Variants in VNN2 observed in about 807,000 individuals in gnomAD.
VNN2 encodes pantetheine hydrolase VNN2.
A neutral mutation model predicts 43.0 loss-of-function variants in VNN2; 43 were observed. The observed-to-expected ratio is 1.00, with a 90% confidence interval of 0.78 to 1.29. VNN2 has a LOEUF of 1.29. Among genes scored for constraint, VNN2 ranks in the 50% most tolerant of loss-of-function variants. The pLI is 0.00. For missense variants in VNN2, 652 were observed against 619.7 expected (o/e 1.05, Z -0.55); for synonymous variants, 230 against 224.3 (o/e 1.03, Z -0.23).
At position 132,755,908 on chromosome 6, in the gene VNN2, A is replaced by C; in HGVS notation, c.472T>G (p.Tyr158Asp). The C allele has an allele frequency of 6.2e-7, 1 of 1,614,220 alleles. No individual in the cohort carries two copies. Among genetic ancestry groups the C allele is most frequent in the Non-Finnish European group, 8.5e-7 (1 of 1,180,034 alleles). Residue 158 changes from tyrosine (Y) to aspartate (D), a missense_variant, in exon 3 of 7, where the codon TAC (tyrosine) becomes GAC (aspartate). Transcript: ENST00000326499. ...ACCACATTGGTATTGTATTGAAAGTAGCCATTAGGAGGACATGTGGAGTCA... is the reference window on the plus strand; with the variant it reads ...ACCACATTGGTATTGTATTGAAAGTCGCCATTAGGAGGACATGTGGAGTCA... ...SRDSTCPPNG[Y>D]FQYNTNVVYN...
Position 132,757,699 on chromosome 6 carries a change from T to C in VNN2, c.185A>G (p.Glu62Gly), listed in dbSNP as rs1394983827. The change falls in exon 1 of 7, where the codon GAG becomes GGG. Residue 62 changes from glutamate to glycine, a missense_variant. Transcript: ENST00000326499. ...NLMNENIDIL[E>G]TAIKQAAEQG... is the part of the protein sequence containing the mutation. ...CTCAGCTGCCTGCTTGATCGCTGTC[T>C]CCAGAATGTCTATATTCTCGTTCAT... The C allele has an allele frequency of 6.2e-7, 1 of 1,614,174 alleles. No individual in the cohort carries two copies. The highest frequency in any genetic ancestry group is 8.5e-7 in the Non-Finnish European group (1 of 1,180,022).
At chr6:132,758,021 CTTCTTCTTCTTCTTCTTCTT>C, upstream of VNN2, 1 of 70,572 alleles carries the variant, frequency 1.4e-5, no homozygotes, top group Non-Finnish European at 2.2e-5. Context: ...TCTTCTTCTT[CTTCTTCTTCTTCTTCTTCTT>C]TTTTTTTTTT....
intron 6 of VNN2, among the ~76,000 whole-genome samples, chr6:132,746,301 G>T (rs1284450799): frequency 6.6e-6 from 1 of 152,210 alleles, no homozygotes; most frequent in African/African-American, 2.4e-5. Context: ...CAACAAGTGT[G>T]TTGAAATCTC....
chr6:132,761,435 G>A (rs923896904), upstream of VNN2, among the ~76,000 whole-genome samples: 2 of 151,564 alleles, frequency 1.3e-5, no homozygotes, highest in Non-Finnish European at 2.9e-5. Flanking sequence ...CGAGGCGGGC[G>A]AATTATTTGA....
intron 3 of VNN2, chr6:132,753,949 C>A (rs1387739796): frequency 1.1e-5 from 1 of 87,262 alleles, no homozygotes; most frequent in Non-Finnish European, 2.0e-5. Context: ...CCAGACTCTG[C>A]CTAAAAAAAA....
At position 132,757,622 on chromosome 6, in the gene VNN2, G is replaced by A. The variant is rs199870283; in HGVS notation, c.213+49C>T. On this transcript the variant is annotated intron_variant, in intron 1 of 6. Transcript: ENST00000326499. The stretch of plus-strand genomic sequence containing the variant: ...AATTCAGCTCTCTCGTCTTCCACCA[G>A]CTCCCATGCCCCTCGTGTACATTAT... The A allele has an allele frequency of 6.3e-5, 102 of 1,607,696 alleles. No individual in the cohort carries two copies. The East Asian group carries it at 1.9e-3, about 31-fold the overall frequency.
chr6:132,744,522 C>G, intron 6 of VNN2, 31 bp from the exon 7 acceptor site: 1 of 1,546,462 alleles, frequency 6.5e-7, no homozygotes. Flanking sequence ...GTACAGTCAG[C>G]TTTCTTAACA....
rs923546230 is a variant in VNN2, at chr6:132,744,222, T to C, written c.*78A>G. ...ATACTACTGAAATAGCCCTTCAAAG[T>C]TTCTTAGTAAACTTGGGAAGCCGAT... On this transcript the variant is annotated 3_prime_UTR_variant, in exon 7 of 7. Transcript: ENST00000326499. The C allele has an allele frequency of 1.4e-6, 2 of 1,392,088 alleles. No homozygotes were observed. The highest frequency in any genetic ancestry group is 4.7e-5 in the Admixed American group (2 of 42,396). 86.2% of individuals were successfully genotyped at this position (1,392,088 alleles called of 1,614,324 possible).
Position 132,757,706 on chromosome 6 carries a change from T to A in VNN2, c.178A>T (p.Ile60Phe). Residue 60 changes from isoleucine (I) to phenylalanine (F), a missense_variant, in exon 1 of 7, where the codon ATT becomes TTT. Ile to Phe is a conservative substitution (Grantham distance 21). Coordinates refer to ENST00000326499, the MANE Select transcript of VNN2 (RefSeq NM_004665.6). ...ALNLMNENID[I>F]LETAIKQAAE... ...GCCTGCTTGATCGCTGTCTCCAGAATGTCTATATTCTCGTTCATGAGATTC... is the reference window on the plus strand; with the variant it reads ...GCCTGCTTGATCGCTGTCTCCAGAAAGTCTATATTCTCGTTCATGAGATTC... The A allele has an allele frequency of 6.2e-7, 1 of 1,614,150 alleles. No homozygotes were observed. The highest frequency in any genetic ancestry group is 8.5e-7 in the Non-Finnish European group (1 of 1,180,022).
At chr6:132,755,782 T>C in intron 3 of VNN2, 61 bp downstream of exon 3, 3 of 1,490,526 alleles carry the variant, frequency 2.0e-6, no homozygotes, top group South Asian at 2.6e-5. Flanking sequence ...TTCAAACTCC[T>C]AAACCCAGCA....
At position 132,744,223 on chromosome 6, in the gene VNN2, T is replaced by C. The variant is rs1378204314; in HGVS notation, c.*77A>G. 1.4e-6 allele frequency: 2 copies of C among 1,399,486 alleles called. No individual in the cohort carries two copies. The highest frequency in any genetic ancestry group is 2.4e-5 in the Admixed American group (1 of 42,542). 86.7% of individuals were successfully genotyped at this position (1,399,486 alleles called of 1,614,324 possible). Reference sequence around the variant, plus strand: ...TACTACTGAAATAGCCCTTCAAAGTTTCTTAGTAAACTTGGGAAGCCGATA... The same window carrying C: ...TACTACTGAAATAGCCCTTCAAAGTCTCTTAGTAAACTTGGGAAGCCGATA... On this transcript the variant is annotated 3_prime_UTR_variant, in exon 7 of 7. Transcript: ENST00000326499.
intron 5 of VNN2, among the ~76,000 whole-genome samples, chr6:132,750,484 A>G (rs1779988253): frequency 2.5e-5 from 2 of 81,398 alleles, no homozygotes; most frequent in East Asian, 2.7e-4. Flanking sequence ...TACTAAAAAT[A>G]TTTTGTATAT....
intron 6 of VNN2, among the ~76,000 whole-genome samples, chr6:132,746,248 C>T (rs1779708295): frequency 2.6e-5 from 4 of 152,176 alleles, no homozygotes; most frequent in Admixed American, 2.0e-4. Flanking sequence ...TAACACCACC[C>T]TTTTAACATA....
chr6:132,749,561 G>T, intron 6 of VNN2, 134 bp downstream of exon 6: 2 of 938,828 alleles, frequency 2.1e-6, no homozygotes, highest in Non-Finnish European at 3.1e-6. Flanking sequence ...CCAACCCACA[G>T]AACCAGGGCT....
intron 2 of VNN2, among the ~76,000 whole-genome samples, chr6:132,756,578 T>C (rs1329391859): frequency 6.6e-6 from 1 of 152,144 alleles, no homozygotes; most frequent in Non-Finnish European, 1.5e-5. Context: ...GTTGGCACAG[T>C]TAATTACACC....
At chr6:132,758,609 A>G (rs538627382), upstream of VNN2, among the ~76,000 whole-genome samples, 2 of 152,164 alleles carry the variant, frequency 1.3e-5, no homozygotes, top group East Asian at 3.9e-4. Flanking sequence ...ATTGACAACA[A>G]TTTTTTTGGT....
chr6:132,751,444 G>A lies in VNN2; in HGVS notation c.901C>T (p.Leu301Phe). 6.2e-7 allele frequency: 1 copy of A among 1,614,152 alleles called. No homozygotes were observed. The highest frequency in any genetic ancestry group is 1.1e-5 in the South Asian group (1 of 91,086). The stretch of plus-strand genomic sequence containing the variant: ...AGGGGATGTGAATCCACCTCTGAAA[G>A]GAGAAGTTTTCCCAACTCTGTCTTC... Reference protein sequence around the residue: ...DMKTELGKLLLSEVDSHPLSS... With the variant: ...DMKTELGKLLFSEVDSHPLSS... The change falls in exon 5 of 7, where the codon CTT (leucine) becomes TTT (phenylalanine). Residue 301 changes from leucine to phenylalanine, a missense_variant. Physicochemically the swap from Leu to Phe is conservative, Grantham distance 22. Coordinates refer to ENST00000326499, the MANE Select transcript of VNN2 (RefSeq NM_004665.6).
chr6:132,755,480 G>C (rs144719835), intron 3 of VNN2, among the ~76,000 whole-genome samples: 3,895 of 149,414 alleles, frequency 0.026, 64 homozygotes, highest in Non-Finnish European at 0.037. Flanking sequence ...GTTCAAGCAA[G>C]TCTCCTGCTT....
chr6:132,749,515 C>A (rs758902894), intron 6 of VNN2, among the ~76,000 whole-genome samples, 180 bp downstream of exon 6: 1 of 152,210 alleles, frequency 6.6e-6, no homozygotes, highest in Middle Eastern at 3.4e-3. Flanking sequence ...CTATCTCAGA[C>A]CAGAAAAACA....
Sources: allele counts gnomAD v4.1 joint callset (sites outside exome capture counted in the v4.1 genomes callset), GRCh38; gene constraint gnomAD v4.1.1; transcripts MANE v1.5; gene names NCBI Gene and HGNC (gene_info 2026-07-23, HGNC 2026-07-21).